Variants in ZBTB20 observed in about 807,000 individuals in gnomAD.
ZBTB20 encodes the protein zinc finger and BTB domain-containing protein 20.
Under a neutral mutation model 56.9 loss-of-function variants are expected in ZBTB20, and 9 were observed. The ratio of observed to expected loss-of-function variants is 0.16; its 90% confidence interval spans 0.10 to 0.28. The LOEUF (loss-of-function observed/expected upper bound fraction) is 0.28, where lower values mean the gene tolerates loss of function less well. Ranked by LOEUF, ZBTB20 falls within the 10% of genes least tolerant of loss-of-function variation. ZBTB20 has a pLI of 1.00. For missense variants in ZBTB20, 655 were observed against 1,003.0 expected, an observed-to-expected ratio of 0.65 and a Z score of 4.69; for synonymous variants, 417 against 420.7, an observed-to-expected ratio of 0.99 and a Z score of 0.11.
At chr3:114,616,356 A>G (rs2057943649) in intron 6 of ZBTB20, among the ~76,000 whole-genome samples, 1 of 152,200 alleles carries the variant, frequency 6.6e-6, no homozygotes, top group South Asian at 2.1e-4. Context: ...AATATTTTGC[A>G]CGATTTTCCT....
At chr3:115,113,272 A>C (rs187857569) in intron 1 of ZBTB20, among the ~76,000 whole-genome samples, 2 of 152,366 alleles carry the variant, frequency 1.3e-5, no homozygotes, top group Non-Finnish European at 2.9e-5. Flanking sequence ...TAACAATGAC[A>C]TCCTACAGCA....
chr3:114,826,233 A>G (rs2073519393), intron 4 of ZBTB20, among the ~76,000 whole-genome samples: 1 of 151,750 alleles, frequency 6.6e-6, no homozygotes, highest in Non-Finnish European at 1.5e-5. Flanking sequence ...TTTTGACCTA[A>G]TATGTAATAT....
chr3:114,613,509 T>A (rs1287937498), intron 6 of ZBTB20, among the ~76,000 whole-genome samples: 1 of 152,068 alleles, frequency 6.6e-6, no homozygotes, highest in African/African-American at 2.4e-5. Flanking sequence ...AAAATAGACA[T>A]GAAAGACTTA....
At chr3:114,612,383 C>A (rs1033455815) in intron 6 of ZBTB20, among the ~76,000 whole-genome samples, 2 of 152,106 alleles carry the variant, frequency 1.3e-5, no homozygotes, top group Non-Finnish European at 2.9e-5. Flanking sequence ...TCTCTGTGAG[C>A]AGGTATTGTG....
At chr3:114,599,803 A>G (rs527271953) in intron 6 of ZBTB20, among the ~76,000 whole-genome samples, 1 of 152,140 alleles carries the variant, frequency 6.6e-6, no homozygotes, top group South Asian at 2.1e-4. Context: ...TAGACGAAGA[A>G]ATCTACATCA....
chr3:115,016,542 T>C (rs1290539950), intron 2 of ZBTB20, among the ~76,000 whole-genome samples: 1 of 151,924 alleles, frequency 6.6e-6, no homozygotes, highest in Non-Finnish European at 1.5e-5. Flanking sequence ...GCTAGCCAGT[T>C]CTCCCAGTAC....
Position 114,988,671 on chromosome 3 carries a change from G to A in ZBTB20, c.-506-14255C>T, listed in dbSNP as rs148204072. ...TCTAGTTCTAGATCCTTGAGGAATT[G>A]CCAGACTGTCTTCCACAATGGTTGA... On this transcript the variant is annotated intron_variant, in intron 2 of 11. Coordinates refer to ENST00000675478, the MANE Select transcript of ZBTB20 (RefSeq NM_001348800.3). Among the ~76,000 whole-genome samples, 635 of 152,242 alleles carry A rather than the reference G, an allele frequency of 4.2e-3. 6 individuals carry two copies. Among genetic ancestry groups the A allele is most frequent in the African/African-American group, 0.014 (593 of 41,548 alleles).
At chr3:114,400,457 ACAGC>A (rs1048315642) in intron 7 of ZBTB20, among the ~76,000 whole-genome samples, 53 of 152,272 alleles carry the variant, frequency 3.5e-4, no homozygotes, top group Admixed American at 2.5e-3. Flanking sequence ...GTGGGAACTG[ACAGC>A]CAGTCCACTT....
intron 2 of ZBTB20, among the ~76,000 whole-genome samples, chr3:114,983,900 C>G (rs2078430083): frequency 6.6e-6 from 1 of 151,948 alleles, no homozygotes; most frequent in African/African-American, 2.4e-5. Context: ...TCAGGTTTTT[C>G]ACAACTGCTT....
chr3:114,437,620 A>G (rs1375930898), intron 7 of ZBTB20, among the ~76,000 whole-genome samples: 1 of 152,138 alleles, frequency 6.6e-6, no homozygotes, highest in Admixed American at 6.6e-5. Context: ...GAAGTATTTT[A>G]TAGGGTTGAA....
intron 7 of ZBTB20, among the ~76,000 whole-genome samples, chr3:114,409,215 C>A (rs2087681683): frequency 7.0e-6 from 1 of 143,142 alleles, no homozygotes; most frequent in African/African-American, 2.6e-5. Flanking sequence ...TGAAGATACC[C>A]TGGTGCTTTT....
At chr3:114,475,405 A>C (rs977772669) in intron 7 of ZBTB20, among the ~76,000 whole-genome samples, 2 of 152,210 alleles carry the variant, frequency 1.3e-5, no homozygotes, top group Non-Finnish European at 2.9e-5. Context: ...TGCTAGATTA[A>C]AACTTCTAGG....
intron 2 of ZBTB20, among the ~76,000 whole-genome samples, chr3:115,005,974 T>C (rs2079448533): frequency 6.6e-6 from 1 of 151,622 alleles, no homozygotes; most frequent in African/African-American, 2.4e-5. Context: ...CACGTTAATG[T>C]CCTTTTTGTT....
chr3:114,866,433 T>C (rs1243380919), intron 4 of ZBTB20, among the ~76,000 whole-genome samples: 1 of 152,214 alleles, frequency 6.6e-6, no homozygotes, highest in Non-Finnish European at 1.5e-5. Flanking sequence ...TTTGGGGTTG[T>C]GTTTTGGTCA....
chr3:114,579,937 A>C (rs1160268272), intron 6 of ZBTB20, among the ~76,000 whole-genome samples: 1 of 151,706 alleles, frequency 6.6e-6, no homozygotes, highest in Non-Finnish European at 1.5e-5. Flanking sequence ...AAAATTACCA[A>C]GTTCAGATGA....
chr3:114,734,148 CA>C (rs1198435058), intron 5 of ZBTB20, among the ~76,000 whole-genome samples: 1 of 151,062 alleles, frequency 6.6e-6, no homozygotes, highest in Non-Finnish European at 1.5e-5. Flanking sequence ...GAGATGATTA[CA>C]AAAAGATTAT....
At chr3:114,936,563 A>G (rs2076542067) in intron 3 of ZBTB20, among the ~76,000 whole-genome samples, 1 of 152,236 alleles carries the variant, frequency 6.6e-6, no homozygotes, top group Non-Finnish European at 1.5e-5. Flanking sequence ...ACTATTAATT[A>G]TAAGTAAAGT....
At chr3:115,033,908 C>T (rs903280498) in intron 2 of ZBTB20, among the ~76,000 whole-genome samples, 1 of 151,574 alleles carries the variant, frequency 6.6e-6, no homozygotes, top group Non-Finnish European at 1.5e-5. Flanking sequence ...TACCCTATGA[C>T]CAAGTAGGAT....
chr3:114,592,694 T>C (rs1441614955), intron 6 of ZBTB20, among the ~76,000 whole-genome samples: 1 of 152,244 alleles, frequency 6.6e-6, no homozygotes, highest in African/African-American at 2.4e-5. Flanking sequence ...ACAATGTTTT[T>C]AATAAGTGGC....
Sources: gnomAD v4.1 joint callset for allele counts (sites outside exome capture counted in the v4.1 genomes callset) on GRCh38, gnomAD v4.1.1 for gene constraint, MANE v1.5 for transcripts, NCBI Gene and HGNC (gene_info 2026-07-23, HGNC 2026-07-21) for gene names.